Variants in FBXO34 observed in about 807,000 individuals in gnomAD.
The protein encoded by FBXO34 is F-box only protein 34.
A neutral mutation model predicts 24.5 loss-of-function variants in FBXO34; 12 were observed. That is an observed-to-expected ratio of 0.49 (90% confidence interval 0.31 to 0.79). The LOEUF (loss-of-function observed/expected upper bound fraction) is 0.79. FBXO34 is among the 30% of genes least tolerant of loss of function. FBXO34 has a pLI of 0.04. For synonymous variants in FBXO34, 320 were observed against 311.9 expected, an observed-to-expected ratio of 1.03 and a Z score of -0.27; for missense variants, 823 against 857.7, an observed-to-expected ratio of 0.96 and a Z score of 0.51.
At chr14:55,286,422 G>C (rs1881762701) in intron 1 of FBXO34, among the ~76,000 whole-genome samples, 1 of 152,062 alleles carries the variant, frequency 6.6e-6, no homozygotes, top group East Asian at 1.9e-4. Flanking sequence ...TTGAAATAAT[G>C]CTAAATTTTA....
At chr14:55,411,624 A>T in the FBXO34 span, 1 of 1,611,766 alleles carries the variant, frequency 6.2e-7, no homozygotes, top group African/African-American at 1.3e-5. Context: ...CGGCCGTCGA[A>T]GTAGACGAAA....
downstream of FBXO34, among the ~76,000 whole-genome samples, chr14:55,358,425 C>T (rs1884550744): frequency 6.6e-6 from 1 of 152,194 alleles, no homozygotes; most frequent in Non-Finnish European, 1.5e-5. Context: ...AGAGAGCCCT[C>T]CTGCAGCACA....
intron 1 of FBXO34, among the ~76,000 whole-genome samples, chr14:55,323,218 A>AAATATAT (rs1566555819): frequency 6.3e-5 from 2 of 31,626 alleles, no homozygotes; most frequent in Admixed American, 5.7e-4. Context: ...AAAAAAAAAA[A>AAATATAT]ATATATATTT....
the FBXO34 span, among the ~76,000 whole-genome samples, chr14:55,434,136 A>G: frequency 1.3e-5 from 2 of 152,212 alleles, no homozygotes; most frequent in African/African-American, 4.8e-5. Context: ...CTTTTGAAGA[A>G]TCTTTTGGGA....
At chr14:55,348,522 A>G (rs1441305651) in intron 1 of FBXO34, among the ~76,000 whole-genome samples, 1 of 152,182 alleles carries the variant, frequency 6.6e-6, no homozygotes, top group Admixed American at 6.5e-5. Context: ...AGTGCCTGCC[A>G]TATGGCAGCC....
downstream of FBXO34, among the ~76,000 whole-genome samples, chr14:55,362,648 C>T (rs1210654657): frequency 6.6e-6 from 1 of 152,222 alleles, no homozygotes; most frequent in African/African-American, 2.4e-5. Flanking sequence ...GGATACTAGA[C>T]TTAGTCCTCT....
At chr14:55,274,640 A>G (rs1881273656) in intron 1 of FBXO34, among the ~76,000 whole-genome samples, 1 of 152,196 alleles carries the variant, frequency 6.6e-6, no homozygotes, top group Non-Finnish European at 1.5e-5. Context: ...ATTCCTCAGG[A>G]TATGTTTATT....
At chr14:55,411,753 G>A in the FBXO34 span, 1 of 1,608,306 alleles carries the variant, frequency 6.2e-7, no homozygotes, top group Non-Finnish European at 8.5e-7. Flanking sequence ...ACCAGGTCCC[G>A]GGCGAGCGGC....
chr14:55,442,851 C>T, the FBXO34 span, among the ~76,000 whole-genome samples: 3 of 152,150 alleles, frequency 2.0e-5, no homozygotes, highest in East Asian at 5.8e-4. Context: ...GACTGTTGTC[C>T]TCACAAGAAG....
At chr14:55,412,931 C>T in the FBXO34 span, among the ~76,000 whole-genome samples, 6 of 152,154 alleles carry the variant, frequency 3.9e-5, no homozygotes, top group African/African-American at 1.2e-4. Flanking sequence ...CATATTAGCC[C>T]GTCCCTCCCT....
intron 1 of FBXO34, among the ~76,000 whole-genome samples, chr14:55,323,196 A>T (rs377290416): frequency 0.28 from 11,757 of 41,648 alleles, 2,246 homozygotes; most frequent in African/African-American, 0.34. Context: ...AAAAAAAAAA[A>T]AAAAAAAAAA....
chr14:55,375,614 C>G, the FBXO34 span, among the ~76,000 whole-genome samples: 64,635 of 151,012 alleles, frequency 0.43, 14,050 homozygotes, highest in African/African-American at 0.46. Context: ...AAGTAGCTGG[C>G]ATTATAGGCG....
the FBXO34 span, among the ~76,000 whole-genome samples, chr14:55,405,194 C>G: frequency 1.3e-5 from 2 of 152,014 alleles, no homozygotes; most frequent in African/African-American, 4.8e-5. Flanking sequence ...ATTGAATTCT[C>G]AAGACAATAG....
chr14:55,299,357 T>G (rs1442817678), intron 1 of FBXO34: 1 of 393,046 alleles, frequency 2.5e-6, no homozygotes, highest in Non-Finnish European at 4.8e-6. Flanking sequence ...CTGCTCGCTC[T>G]CTGCATAGCA....
chr14:55,296,277 T>A (rs925042499), intron 1 of FBXO34, among the ~76,000 whole-genome samples: 5 of 151,996 alleles, frequency 3.3e-5, no homozygotes, highest in African/African-American at 1.2e-4. Flanking sequence ...CCCTAAAAAT[T>A]AGATTCAGCA....
At chr14:55,433,307 C>CT in the FBXO34 span, among the ~76,000 whole-genome samples, 1 of 103,872 alleles carries the variant, frequency 9.6e-6, no homozygotes, top group African/African-American at 4.1e-5. Flanking sequence ...TTTTAGATTT[C>CT]TCTTTTTTTT....
intron 1 of FBXO34, among the ~76,000 whole-genome samples, chr14:55,281,991 CTTTT>C (rs372305828): frequency 1.5e-4 from 10 of 65,132 alleles, no homozygotes; most frequent in African/African-American, 6.1e-4. Context: ...TTAAATTTAG[CTTTT>C]TTTTTTTTTT....
At chr14:55,366,026 C>G (rs1884669671), downstream of FBXO34, among the ~76,000 whole-genome samples, 2 of 152,182 alleles carry the variant, frequency 1.3e-5, no homozygotes, top group African/African-American at 4.8e-5. Flanking sequence ...TTTCCCTTTT[C>G]CTCTTGTCCT....
the FBXO34 span, among the ~76,000 whole-genome samples, chr14:55,404,557 C>T: frequency 2.8e-3 from 426 of 152,164 alleles, 1 homozygote; most frequent in Non-Finnish European, 4.5e-3. Flanking sequence ...TCAAAAGAGA[C>T]GAGATTATGA....
Sources: allele counts gnomAD v4.1 joint callset (sites outside exome capture counted in the v4.1 genomes callset), GRCh38; gene constraint gnomAD v4.1.1; transcripts MANE v1.5; gene names NCBI Gene and HGNC (gene_info 2026-07-23, HGNC 2026-07-21).